The following PDGFRA variants were observed in gnomAD, a reference collection of about 807,000 sequenced individuals.
The protein encoded by PDGFRA is platelet derived growth factor receptor alpha, also known as platelet-derived growth factor receptor alpha.
Under a neutral mutation model 121.5 loss-of-function variants are expected in PDGFRA, and 25 were observed. That is an observed-to-expected ratio of 0.21 (90% CI 0.15 to 0.29). The LOEUF is 0.29. Ranked by LOEUF, PDGFRA falls within the 10% of genes least tolerant of loss-of-function variation. The pLI is 1.00. For missense variants in PDGFRA, 1,008 were observed against 1,345.1 expected (o/e 0.75, Z 3.92); for synonymous variants, 463 against 494.8 (o/e 0.94, Z 0.85).
At position 54,258,789 on chromosome 4, in the gene PDGFRA, G is replaced by A. The variant is rs200090515; in HGVS notation, c.21G>A (p.Ala7=). 4.3e-5 allele frequency: 70 copies of A among 1,613,686 alleles called. No individual in the cohort carries two copies. The highest frequency in any genetic ancestry group is 1.6e-4 in the Middle Eastern group (1 of 6,062). Reference sequence around the variant, plus strand: ...GAGCTATGGGGACTTCCCATCCGGCGTTCCTGGTCTTAGGCTGTCTTCTCA... The same window carrying A: ...GAGCTATGGGGACTTCCCATCCGGCATTCCTGGTCTTAGGCTGTCTTCTCA... MGTSHP[A]FLVLGCLLTG... Residue 7 remains alanine (A), a synonymous_variant, in exon 2 of 23, where the codon GCG becomes GCA. Transcript: ENST00000257290.
At chr4:54,237,656 G>T (rs57644424) in intron 1 of PDGFRA, among the ~76,000 whole-genome samples, 2 of 152,344 alleles carry the variant, frequency 1.3e-5, no homozygotes, top group African/African-American at 4.8e-5. Flanking sequence ...CACCGCAGCA[G>T]TGTGGAAGCC....
In PDGFRA at chr4:54,253,780, G is replaced by T. The variant is rs189364042; in HGVS notation, c.-12-4977G>T. Among the ~76,000 whole-genome samples, 6 of 152,246 alleles carry T rather than the reference G, an allele frequency of 3.9e-5. No homozygotes were observed. The East Asian group carries it at 1.2e-3, about 29-fold the overall frequency. On this transcript the variant is annotated intron_variant, in intron 1 of 22. Coordinates refer to ENST00000257290, the MANE Select transcript of PDGFRA (RefSeq NM_006206.6). ...GCTCACTGCAACCTCTGCCTCCTGG[G>T]TTCAAGTGATTCTCATGCCTCAGCC...
intron 18 of PDGFRA, among the ~76,000 whole-genome samples, chr4:54,287,027 G>C (rs1327284017): frequency 1.3e-5 from 2 of 152,142 alleles, no homozygotes; most frequent in African/African-American, 2.4e-5. Flanking sequence ...TGCTGTGTGT[G>C]ATTCATGTAC....
At chr4:54,234,985 G>A (rs781553424) in intron 1 of PDGFRA, among the ~76,000 whole-genome samples, 1 of 152,170 alleles carries the variant, frequency 6.6e-6, no homozygotes, top group African/African-American at 2.4e-5. Flanking sequence ...GTCTGATGGA[G>A]CTCCGGGAGA....
chr4:54,264,848 A>C (rs1312285365), intron 4 of PDGFRA, 71 bp from the exon 5 acceptor site: 1 of 1,461,062 alleles, frequency 6.8e-7, no homozygotes. Context: ...AAAAAAAAAA[A>C]AAACCCAAAC....
At chr4:54,275,243 C>A (rs995571527) in intron 12 of PDGFRA, among the ~76,000 whole-genome samples, 6 of 152,082 alleles carry the variant, frequency 3.9e-5, no homozygotes, top group African/African-American at 1.4e-4. Flanking sequence ...AAGATACCCA[C>A]CAAAATTGCT....
intron 10 of PDGFRA, 107 bp downstream of exon 10, chr4:54,273,837 GA>G (rs751054441): frequency 5.1e-5 from 45 of 879,134 alleles, no homozygotes; most frequent in Non-Finnish European, 7.4e-5. Flanking sequence ...TCCCAAGGCA[GA>G]AATTCAGTTA....
chr4:54,250,553 G>C (rs1481640685), intron 1 of PDGFRA, among the ~76,000 whole-genome samples: 1 of 152,148 alleles, frequency 6.6e-6, no homozygotes, highest in East Asian at 1.9e-4. Flanking sequence ...ATATGACTTA[G>C]TGTACATTAT....
intron 2 of PDGFRA, 119 bp from the exon 3 acceptor site, chr4:54,260,976 G>T: frequency 1.1e-6 from 1 of 895,262 alleles, no homozygotes. Context: ...CCAGGCTAAC[G>T]GATTTTTGTG....
At chr4:54,261,931 A>ATATT (rs57094735) in intron 3 of PDGFRA, among the ~76,000 whole-genome samples, 770 of 58,216 alleles carry the variant, frequency 0.013, 10 homozygotes, top group African/African-American at 0.029. Flanking sequence ...ATATATATAT[A>ATATT]TTTTTTTTTT....
At chr4:54,294,927 G>A (rs550708317) in intron 22 of PDGFRA, among the ~76,000 whole-genome samples, 198 bp from the exon 23 acceptor site, 1 of 152,336 alleles carries the variant, frequency 6.6e-6, no homozygotes, top group South Asian at 2.1e-4. Flanking sequence ...AAGCAGGAAA[G>A]CTGAAGAGTA....
Position 54,297,737 on chromosome 4 carries a change from A to G in PDGFRA, c.*2465A>G, listed in dbSNP as rs78148538. ...AAAGTCTCCAGAAGAAAATTTGCCA[A>G]TCTTTCCTACTTTCTATTTTTATGA... is the stretch of plus-strand genomic sequence containing the variant. On this transcript the variant is annotated 3_prime_UTR_variant, in exon 23 of 23. Coordinates refer to ENST00000257290, the MANE Select transcript of PDGFRA (RefSeq NM_006206.6). 109 of 233,598 alleles carry G rather than the reference A, an allele frequency of 4.7e-4. 2 individuals carry two copies. In the East Asian group the frequency reaches 6.0e-3, roughly 13 times the overall value. 14.5% of individuals were successfully genotyped at this position (233,598 alleles called of 1,614,324 possible). A position where few individuals can be genotyped will look rare whatever the true frequency, so the allele number is the denominator to read the frequency against.
intron 3 of PDGFRA, among the ~76,000 whole-genome samples, chr4:54,261,898 CATATAT>C (rs397880252): frequency 0.084 from 8,011 of 94,958 alleles, 325 homozygotes; most frequent in South Asian, 0.11. Context: ...AAAAAAGTTA[CATATAT>C]ATATATATAT....
Position 54,278,373 on chromosome 4 carries a change from A to C in PDGFRA, c.2014A>C (p.Ile672Leu). The C allele has an allele frequency of 6.2e-7, 1 of 1,613,634 alleles. No homozygotes were observed. Among genetic ancestry groups the C allele is most frequent in the South Asian group, 1.1e-5 (1 of 91,058 alleles). The change falls in exon 15 of 23, where the codon ATC (isoleucine) becomes CTC (leucine). Residue 672 changes from isoleucine (I) to leucine (L), a missense_variant. Physicochemically the swap from Ile to Leu is conservative, Grantham distance 5. Transcript: ENST00000257290. ...TTTTGTCCCCATAGGCCCCATTTAC[A>C]TCATCACAGAGTATTGCTTCTATGG... ...GACTKSGPIY[I>L]ITEYCFYGDL...
chr4:54,284,339 A>T (rs748548580), intron 16 of PDGFRA, among the ~76,000 whole-genome samples: 1 of 152,130 alleles, frequency 6.6e-6, no homozygotes, highest in Non-Finnish European at 1.5e-5. Flanking sequence ...GCAATTCCCC[A>T]TTCCTTGATA....
intron 9 of PDGFRA, among the ~76,000 whole-genome samples, chr4:54,273,258 G>A (rs140670941): frequency 6.6e-6 from 1 of 152,154 alleles, no homozygotes; most frequent in African/African-American, 2.4e-5. Flanking sequence ...TTGCTCATAG[G>A]TTCAAGATTG....
At chr4:54,268,368 T>C (rs186970673) in intron 7 of PDGFRA, among the ~76,000 whole-genome samples, 59 of 152,310 alleles carry the variant, frequency 3.9e-4, no homozygotes, top group African/African-American at 1.3e-3. Context: ...GGATAAACAA[T>C]ACCTTATGTC....
Position 54,298,012 on chromosome 4 carries a change from C to T in PDGFRA, c.*2740C>T, listed in dbSNP as rs149326950. The T allele has an allele frequency of 4.3e-6, 1 of 230,826 alleles. No homozygotes were observed. Among genetic ancestry groups the T allele is most frequent in the East Asian group, 6.2e-5 (1 of 16,134 alleles). The allele number at this position is 230,826 out of a possible 1,614,324, so 14.3% of individuals were successfully genotyped here. A position where few individuals can be genotyped will look rare whatever the true frequency, so the allele number is the denominator to read the frequency against. ...ATTTTTTTAACTGTGATAATCCCCACAGGCACATTAACTGTTGCACTTTTG... is the reference window on the plus strand; with the variant it reads ...ATTTTTTTAACTGTGATAATCCCCATAGGCACATTAACTGTTGCACTTTTG... On this transcript the variant is annotated 3_prime_UTR_variant, in exon 23 of 23. Transcript: ENST00000257290.
intron 1 of PDGFRA, among the ~76,000 whole-genome samples, chr4:54,248,404 T>A (rs904697126): frequency 6.6e-5 from 10 of 152,062 alleles, no homozygotes; most frequent in Admixed American, 3.9e-4. Flanking sequence ...CCCTCAGAAA[T>A]AACGCCGCAT....
Sources: gnomAD v4.1 joint callset for allele counts (sites outside exome capture counted in the v4.1 genomes callset) on GRCh38, gnomAD v4.1.1 for gene constraint, MANE v1.5 for transcripts, NCBI Gene and HGNC (gene_info 2026-07-23, HGNC 2026-07-21) for gene names.